The following CWC27 variants were observed in gnomAD, a reference collection of about 807,000 sequenced individuals.
CWC27 encodes the protein CWC27 spliceosome associated cyclophilin.
Under a neutral mutation model 63.6 loss-of-function variants are expected in CWC27, and 47 were observed. The observed-to-expected ratio is 0.74, with a 90% CI of 0.58 to 0.94. The LOEUF (loss-of-function observed/expected upper bound fraction) is 0.94. Among genes scored for constraint, CWC27 ranks in the 40% least tolerant of loss-of-function variants. CWC27 has a pLI of 0.00. For missense variants in CWC27, 495 were observed against 554.3 expected, an observed-to-expected ratio of 0.89 and a Z score of 1.07; for synonymous variants, 175 against 179.8, an observed-to-expected ratio of 0.97 and a Z score of 0.22.
chr5:64,895,788 C>T (rs1254146686), intron 11 of CWC27, among the ~76,000 whole-genome samples: 1 of 152,032 alleles, frequency 6.6e-6, no homozygotes, highest in East Asian at 1.9e-4. Context: ...TAATAGTTAA[C>T]ATTAAAAACT....
At chr5:64,846,211 C>T (rs938754485) in intron 10 of CWC27, among the ~76,000 whole-genome samples, 2 of 152,142 alleles carry the variant, frequency 1.3e-5, no homozygotes, top group African/African-American at 4.8e-5. Flanking sequence ...TTGCAAAACT[C>T]AATGGTATAT....
chr5:64,910,716 C>G (rs547777809), intron 11 of CWC27, among the ~76,000 whole-genome samples: 1 of 152,320 alleles, frequency 6.6e-6, no homozygotes, highest in South Asian at 2.1e-4. Flanking sequence ...GACTGCCGCA[C>G]TAGCAGTGAG....
chr5:64,898,187 C>A (rs1427860011), intron 11 of CWC27, among the ~76,000 whole-genome samples: 2 of 152,038 alleles, frequency 1.3e-5, no homozygotes, highest in Non-Finnish European at 2.9e-5. Flanking sequence ...TGACACAATG[C>A]AGTTGTTAGG....
intron 12 of CWC27, among the ~76,000 whole-genome samples, chr5:64,976,924 G>A (rs981508790): frequency 2.6e-5 from 4 of 152,106 alleles, no homozygotes; most frequent in African/African-American, 9.7e-5. Flanking sequence ...TATCTCTGAG[G>A]GGAAATGTCA....
At chr5:64,893,643 A>G (rs1465855097) in intron 11 of CWC27, among the ~76,000 whole-genome samples, 1 of 152,216 alleles carries the variant, frequency 6.6e-6, no homozygotes, top group Non-Finnish European at 1.5e-5. Context: ...AACAAAAGGA[A>G]TACTGAAGTT....
At chr5:64,906,246 A>T (rs536906972) in intron 11 of CWC27, among the ~76,000 whole-genome samples, 1 of 152,180 alleles carries the variant, frequency 6.6e-6, no homozygotes, top group Admixed American at 6.5e-5. Context: ...ATCCTTGAGG[A>T]ATAGCCACAT....
intron 13 of CWC27, among the ~76,000 whole-genome samples, chr5:65,014,357 A>G (rs1376015374): frequency 1.3e-5 from 2 of 148,214 alleles, no homozygotes; most frequent in Non-Finnish European, 3.0e-5. Flanking sequence ...GCTATATATT[A>G]TATATAACCA....
chr5:64,824,653 C>G (rs1328748398), intron 10 of CWC27, among the ~76,000 whole-genome samples: 1 of 144,844 alleles, frequency 6.9e-6, no homozygotes, highest in Non-Finnish European at 1.5e-5. Flanking sequence ...ATCCTTCAGT[C>G]TAGAAAAGTT....
At chr5:64,889,522 A>C (rs796773253) in intron 11 of CWC27, among the ~76,000 whole-genome samples, 64 of 152,352 alleles carry the variant, frequency 4.2e-4, no homozygotes, top group African/African-American at 1.4e-3. Flanking sequence ...ATTTAGAGAA[A>C]ATCCAGTTAT....
At chr5:64,872,453 C>T (rs866243252) in intron 10 of CWC27, among the ~76,000 whole-genome samples, 9 of 152,080 alleles carry the variant, frequency 5.9e-5, no homozygotes, top group African/African-American at 1.4e-4. Flanking sequence ...ATTTGTGAAA[C>T]GCTTTGTAAA....
chr5:64,963,339 A>G (rs1048457984), intron 11 of CWC27, among the ~76,000 whole-genome samples: 1 of 152,212 alleles, frequency 6.6e-6, no homozygotes, highest in African/African-American at 2.4e-5. Context: ...GATTTGTAAA[A>G]GAGCCATATG....
intron 11 of CWC27, among the ~76,000 whole-genome samples, chr5:64,965,522 A>C (rs1748997314): frequency 6.6e-6 from 1 of 152,222 alleles, no homozygotes; most frequent in African/African-American, 2.4e-5. Flanking sequence ...AGAATGGAAT[A>C]TAATAAACAG....
intron 10 of CWC27, among the ~76,000 whole-genome samples, chr5:64,840,242 C>T (rs1339986371): frequency 6.6e-6 from 1 of 151,158 alleles, no homozygotes; most frequent in East Asian, 2.0e-4. Flanking sequence ...ATTACTGCTG[C>T]ACCCAAGCAA....
intron 10 of CWC27, among the ~76,000 whole-genome samples, chr5:64,853,051 A>C (rs1175782060): frequency 6.6e-6 from 1 of 152,164 alleles, no homozygotes; most frequent in Non-Finnish European, 1.5e-5. Context: ...TATTCACATG[A>C]AAGAAGGACT....
chr5:64,861,344 A>G (rs1339512300), intron 10 of CWC27, among the ~76,000 whole-genome samples: 1 of 151,956 alleles, frequency 6.6e-6, no homozygotes, highest in Non-Finnish European at 1.5e-5. Flanking sequence ...ATATATATAT[A>G]TATAAAACCA....
At chr5:64,941,038 G>A (rs1343137233) in intron 11 of CWC27, among the ~76,000 whole-genome samples, 1 of 151,578 alleles carries the variant, frequency 6.6e-6, no homozygotes, top group African/African-American at 2.4e-5. Flanking sequence ...TAGAGATGGG[G>A]TTTCACCATG....
At chr5:64,941,526 AT>A (rs1213955560) in intron 11 of CWC27, among the ~76,000 whole-genome samples, 6 of 152,198 alleles carry the variant, frequency 3.9e-5, no homozygotes, top group Admixed American at 6.5e-5. Context: ...ATTACAGAAA[AT>A]ATAAAACATT....
chr5:64,838,685 AG>A (rs1210959513), intron 10 of CWC27, among the ~76,000 whole-genome samples: 1 of 152,200 alleles, frequency 6.6e-6, no homozygotes, highest in Admixed American at 6.6e-5. Flanking sequence ...CAAACTTACA[AG>A]TGCTCCGGAA....
chr5:65,014,033 G>A (rs1750008864), intron 13 of CWC27, among the ~76,000 whole-genome samples: 1 of 151,756 alleles, frequency 6.6e-6, no homozygotes, highest in South Asian at 2.1e-4. Flanking sequence ...AGAAGTTAGT[G>A]AAGTCAGTCA....
Sources: gnomAD v4.1 joint callset for allele counts (sites outside exome capture counted in the v4.1 genomes callset) on GRCh38, gnomAD v4.1.1 for gene constraint, MANE v1.5 for transcripts, NCBI Gene and HGNC (gene_info 2026-07-23, HGNC 2026-07-21) for gene names.